Variants in IL1RAPL1 observed in about 807,000 individuals in gnomAD.
IL1RAPL1 encodes the protein interleukin-1 receptor accessory protein-like 1.
A neutral mutation model predicts 48.4 loss-of-function variants in IL1RAPL1; 3 were observed. The ratio of observed to expected loss-of-function variants is 0.06; its 90% CI spans 0.03 to 0.16. IL1RAPL1 has a LOEUF of 0.16. Ranked by LOEUF, IL1RAPL1 falls within the 10% of genes least tolerant of loss-of-function variation. IL1RAPL1 has a pLI of 1.00. For missense variants in IL1RAPL1, 349 were observed against 530.6 expected (o/e 0.66, Z 3.36); for synonymous variants, 185 against 187.7 (o/e 0.99, Z 0.12).
At chrX:28,906,197 C>T (rs1037150694) in intron 2 of IL1RAPL1, among the ~76,000 whole-genome samples, 2 of 112,614 alleles carry the variant, frequency 1.8e-5, no homozygotes, top group African/African-American at 6.4e-5. Flanking sequence ...GGAAACCACC[C>T]CCGTGATCTG....
At chrX:28,759,284 G>A (rs1936139304) in intron 1 of IL1RAPL1, among the ~76,000 whole-genome samples, 1 of 110,212 alleles carries the variant, frequency 9.1e-6, no homozygotes, top group African/African-American at 3.3e-5. Context: ...ATCCAATAAC[G>A]TGGAGTTTTT....
intron 3 of IL1RAPL1, among the ~76,000 whole-genome samples, chrX:29,302,350 G>A (rs1307821721): frequency 1.8e-5 from 2 of 111,826 alleles, no homozygotes; most frequent in African/African-American, 6.5e-5. Flanking sequence ...AAAGAACAGA[G>A]TGTAATGGGC....
chrX:28,807,863 C>G (rs1936749964), intron 2 of IL1RAPL1, among the ~76,000 whole-genome samples: 1 of 110,626 alleles, frequency 9.0e-6, no homozygotes. Flanking sequence ...ATCAGACTAT[C>G]TCTTCTACAA....
intron 2 of IL1RAPL1, among the ~76,000 whole-genome samples, chrX:29,153,029 C>G (rs947999705): frequency 8.9e-6 from 1 of 111,965 alleles, no homozygotes; most frequent in African/African-American, 3.2e-5. Flanking sequence ...AAGGTGTCAT[C>G]ATGGCTGCAT....
At chrX:29,031,142 A>G (rs1003962679) in intron 2 of IL1RAPL1, among the ~76,000 whole-genome samples, 2 of 112,276 alleles carry the variant, frequency 1.8e-5, no homozygotes, top group African/African-American at 3.2e-5. Flanking sequence ...TGAAATAACT[A>G]TCAAGCTTAG....
chrX:29,880,167 T>C (rs929701264), intron 6 of IL1RAPL1, among the ~76,000 whole-genome samples: 35 of 111,684 alleles, frequency 3.1e-4, no homozygotes, highest in Non-Finnish European at 5.7e-4. Flanking sequence ...TCAATATTTT[T>C]TCCTTTGCTA....
chrX:29,872,524 G>A (rs977356823), intron 6 of IL1RAPL1, among the ~76,000 whole-genome samples: 3 of 112,001 alleles, frequency 2.7e-5, no homozygotes, highest in Non-Finnish European at 5.6e-5. Flanking sequence ...GAGGTGATTA[G>A]GCTCTACCCT....
chrX:28,725,446 A>C (rs906504071), intron 1 of IL1RAPL1, among the ~76,000 whole-genome samples: 2 of 111,848 alleles, frequency 1.8e-5, no homozygotes, highest in Non-Finnish European at 3.8e-5. Context: ...GTTTTTAAAA[A>C]TTATTATTAC....
chrX:29,143,483 A>T (rs1199262819), intron 2 of IL1RAPL1, among the ~76,000 whole-genome samples: 4 of 111,822 alleles, frequency 3.6e-5, no homozygotes, highest in Non-Finnish European at 7.5e-5. Flanking sequence ...TTCCAGAACC[A>T]AACGGTGCAC....
chrX:28,873,010 G>T lies in IL1RAPL1; in HGVS notation c.82+83585G>T, dbSNP rs140449310. On this transcript the variant is annotated intron_variant, in intron 2 of 10. Transcript: ENST00000378993. The stretch of plus-strand genomic sequence containing the variant: ...TTCACTTCCAAGTAAGTATATTCTA[G>T]CCATGGGAGAGAGGTATTTAGGTGT... Among the ~76,000 whole-genome samples the T allele has an allele frequency of 3.7e-3, 402 of 109,908 alleles. 1 individual carries two copies. Among genetic ancestry groups the T allele is most frequent in the African/African-American group, 0.012 (358 of 30,197 alleles).
intron 1 of IL1RAPL1, among the ~76,000 whole-genome samples, chrX:28,734,217 C>A (rs1447835302): frequency 9.0e-6 from 1 of 111,582 alleles, no homozygotes; most frequent in Non-Finnish European, 1.9e-5. Context: ...AATCTATTCT[C>A]AACACAGAAG....
chrX:29,240,813 G>T (rs1198964902), intron 2 of IL1RAPL1, among the ~76,000 whole-genome samples: 1 of 111,753 alleles, frequency 8.9e-6, no homozygotes, highest in Non-Finnish European at 1.9e-5. Flanking sequence ...GTAATGGTTT[G>T]TGACACTAAT....
At chrX:29,258,177 T>G (rs1254628092) in intron 2 of IL1RAPL1, among the ~76,000 whole-genome samples, 2 of 111,003 alleles carry the variant, frequency 1.8e-5, no homozygotes, top group African/African-American at 3.3e-5. Context: ...ATAATTGCCC[T>G]AGGGAGAATT....
intron 6 of IL1RAPL1, among the ~76,000 whole-genome samples, chrX:29,711,020 T>TGA (rs1927329487): frequency 1.0e-5 from 1 of 99,553 alleles, no homozygotes; most frequent in Admixed American, 1.1e-4. Context: ...TTTATAATTC[T>TGA]GAGTCTTTTT....
At chrX:29,835,555 A>G (rs1241798360) in intron 6 of IL1RAPL1, among the ~76,000 whole-genome samples, 3 of 111,995 alleles carry the variant, frequency 2.7e-5, no homozygotes, top group East Asian at 2.8e-4. Flanking sequence ...ATCCTCTTAC[A>G]TTTTTTGGTA....
chrX:28,901,779 G>A (rs183965842), intron 2 of IL1RAPL1, among the ~76,000 whole-genome samples: 6 of 111,835 alleles, frequency 5.4e-5, no homozygotes, highest in Non-Finnish European at 9.4e-5. Flanking sequence ...GTAGGATAGC[G>A]ATTTCCATCC....
At chrX:29,386,052 C>T (rs1418786542) in intron 3 of IL1RAPL1, among the ~76,000 whole-genome samples, 1 of 111,906 alleles carries the variant, frequency 8.9e-6, no homozygotes. Flanking sequence ...TCTTTTGAGA[C>T]GGAGTCTCAC....
intron 2 of IL1RAPL1, among the ~76,000 whole-genome samples, chrX:29,151,197 A>G (rs1466092825): frequency 8.9e-6 from 1 of 111,934 alleles, no homozygotes; most frequent in Non-Finnish European, 1.9e-5. Flanking sequence ...CCAACTGATC[A>G]TTTTCTGATT....
intron 2 of IL1RAPL1, among the ~76,000 whole-genome samples, chrX:29,001,962 T>G (rs1462145154): frequency 9.3e-6 from 1 of 106,964 alleles, no homozygotes; most frequent in Non-Finnish European, 1.9e-5. Flanking sequence ...AGTGGTGTGA[T>G]CTCAGCTCAC....
Sources: allele counts gnomAD v4.1 joint callset (sites outside exome capture counted in the v4.1 genomes callset), GRCh38; gene constraint gnomAD v4.1.1; transcripts MANE v1.5; gene names NCBI Gene and HGNC (gene_info 2026-07-23, HGNC 2026-07-21).